SLC2A3: variants seen among roughly 807,000 people sequenced by gnomAD.
The protein encoded by SLC2A3 is solute carrier family 2 member 3, also known as solute carrier family 2, facilitated glucose transporter member 3.
Under a neutral mutation model 46.4 loss-of-function variants are expected in SLC2A3, and 21 were observed. That is an observed-to-expected ratio of 0.45 (90% CI 0.32 to 0.65). SLC2A3 has a LOEUF of 0.65. Among genes scored for constraint, SLC2A3 ranks in the 30% least tolerant of loss-of-function variants. The pLI, the probability that SLC2A3 is intolerant of heterozygous loss-of-function variation, is 0.04. For missense variants in SLC2A3, 499 were observed against 623.3 expected (o/e 0.80, Z 2.12); for synonymous variants, 213 against 239.4 (o/e 0.89, Z 1.02).
In SLC2A3 at chr12:7,933,051, T is replaced by C. The variant is rs1261190829; in HGVS notation, c.205A>G (p.Ile69Val). Residue 69 changes from isoleucine to valine, a missense_variant, in exon 3 of 10, where the codon ATA becomes GTA. By Grantham distance (29) the Ile-to-Val change is conservative. This residue lies in a region of SLC2A3 where 248 missense variants were observed against 284.0 expected (regional missense o/e 0.87). Coordinates refer to ENST00000075120, the MANE Select transcript of SLC2A3 (RefSeq NM_006931.3). ...LTSLWSLSVA[I>V]FSVGGMIGSF... ...CCGATCATACCCCCGACGGAAAATA[T>C]GGCCACAGACAAGGACCAGAGAGAC... 2 of 1,614,062 alleles carry C rather than the reference T, an allele frequency of 1.2e-6. No homozygotes were observed. Among genetic ancestry groups the C allele is most frequent in the South Asian group, 1.1e-5 (1 of 91,080 alleles).
chr12:7,935,724 C>T (rs1252274008), intron 1 of SLC2A3, among the ~76,000 whole-genome samples: 1 of 152,068 alleles, frequency 6.6e-6, no homozygotes, highest in African/African-American at 2.4e-5. Flanking sequence ...ACCAAGCAGC[C>T]CGATCCTCTA....
At chr12:7,927,137 C>T (rs1306939813) in intron 6 of SLC2A3, among the ~76,000 whole-genome samples, 2 of 152,026 alleles carry the variant, frequency 1.3e-5, no homozygotes, top group Admixed American at 1.3e-4. Context: ...AAGATGTAAA[C>T]TATGTATATT....
intron 8 of SLC2A3, among the ~76,000 whole-genome samples, chr12:7,924,101 C>G (rs1436353440): frequency 1.3e-5 from 2 of 152,110 alleles, no homozygotes; most frequent in East Asian, 1.9e-4. Context: ...TCTATATGAT[C>G]TCATATATGT....
chr12:7,925,629 T>A, intron 7 of SLC2A3: 1 of 430,244 alleles, frequency 2.3e-6, no homozygotes, highest in Non-Finnish European at 4.2e-6. Flanking sequence ...CAAAGCATAC[T>A]ATATAGTCCC....
chr12:7,926,402 C>T (rs60587863), intron 6 of SLC2A3, among the ~76,000 whole-genome samples: 3,672 of 152,176 alleles, frequency 0.024, 147 homozygotes, highest in African/African-American at 0.082. Context: ...TCCTTTCTCT[C>T]TCTAAATGTT....
Position 7,931,151 on chromosome 12 carries a change from C to T in SLC2A3, c.510+94G>A, listed in dbSNP as rs1368112329. The T allele has an allele frequency of 7.1e-6, 11 of 1,551,276 alleles. No homozygotes were observed. In the East Asian group the frequency reaches 2.3e-4, roughly 32 times the overall value. On this transcript the variant is annotated intron_variant, in intron 4 of 9. Transcript: ENST00000075120. ...TCTAAAACTTCCATATGTAATTGAACATGTGCCAGATATTCTTCAGTGCTT... is the reference window on the plus strand; with the variant it reads ...TCTAAAACTTCCATATGTAATTGAATATGTGCCAGATATTCTTCAGTGCTT...
In SLC2A3 at chr12:7,936,050, C is replaced by T. The variant is rs1297734254; in HGVS notation, c.-16G>A. Reference sequence around the variant, plus strand: ...GTGTCCCCATCGCTGTAATCTAATTCAAGTCTTCAAGAAAGATCTAGGGGT... The same window carrying T: ...GTGTCCCCATCGCTGTAATCTAATTTAAGTCTTCAAGAAAGATCTAGGGGT... On this transcript the variant is annotated 5_prime_UTR_variant, in exon 1 of 10. Transcript: ENST00000075120. 6.2e-7 allele frequency: 1 copy of T among 1,602,696 alleles called. No individual in the cohort carries two copies. The highest frequency in any genetic ancestry group is 8.5e-7 in the Non-Finnish European group (1 of 1,169,664).
chr12:7,929,783 T>C lies in SLC2A3; in HGVS notation c.762A>G (p.Gln254=). ...DESARMSQEK[Q]VTVLELFRVS... ...CTCTAAAGAGCTCTAGCACGGTGAC[T>C]TGCTTTTCTTGTGACATCCTTGCAC... is the stretch of plus-strand genomic sequence containing the variant. The change falls in exon 6 of 10, where the codon CAA becomes CAG. Residue 254 remains glutamine (Q), a synonymous_variant. Transcript: ENST00000075120. 1 of 1,613,738 alleles carries C rather than the reference T, an allele frequency of 6.2e-7. No homozygotes were observed. The highest frequency in any genetic ancestry group is 8.5e-7 in the Non-Finnish European group (1 of 1,179,736).
chr12:7,934,784 CAGG>C (rs1946196214), intron 1 of SLC2A3, among the ~76,000 whole-genome samples: 2 of 152,174 alleles, frequency 1.3e-5, no homozygotes, highest in East Asian at 1.9e-4. Context: ...GGAGCTTCAG[CAGG>C]AGAAGTGACC....
intron 9 of SLC2A3, among the ~76,000 whole-genome samples, chr12:7,922,224 C>T (rs114790435): frequency 0.043 from 6,458 of 151,884 alleles, 371 homozygotes; most frequent in East Asian, 0.23. Context: ...CCACGACACC[C>T]GGCCTAATTT....
rs751271445 is a variant in SLC2A3 at position 7,933,058 on chromosome 12, A to G, written c.198T>C (p.Ser66=). ...TACCCCCGACGGAAAATATGGCCACAGACAAGGACCAGAGAGACGTGAGCA... is the reference window on the plus strand; with the variant it reads ...TACCCCCGACGGAAAATATGGCCACGGACAAGGACCAGAGAGACGTGAGCA... ...EVLLTSLWSL[S]VAIFSVGGMI... is the part of the protein sequence containing the mutation. Residue 66 remains serine (S), a synonymous_variant, in exon 3 of 10, where the codon TCT becomes TCC. Coordinates refer to ENST00000075120, the MANE Select transcript of SLC2A3 (RefSeq NM_006931.3). 1.2e-6 allele frequency: 2 copies of G among 1,614,144 alleles called. No homozygotes were observed. Among genetic ancestry groups the G allele is most frequent in the African/African-American group, 1.3e-5 (1 of 75,028 alleles).
chr12:7,922,218 G>C lies in SLC2A3; in HGVS notation c.1273-587C>G, dbSNP rs118139619. ...CACTGGGATTACAGTCATGAGCCAC[G>C]ACACCCGGCCTAATTTTTGTATTTA... On this transcript the variant is annotated intron_variant, in intron 9 of 9. Transcript: ENST00000075120. 5.2e-3 allele frequency among the ~76,000 whole-genome samples: 786 copies of C among 151,932 alleles called. 4 individuals carry two copies. The highest frequency in any genetic ancestry group is 0.027 in the Middle Eastern group (8 of 294).
chr12:7,925,989 A>C (rs1169301609), intron 6 of SLC2A3, 41 bp from the exon 7 acceptor site: 1 of 1,493,356 alleles, frequency 6.7e-7, no homozygotes, highest in Non-Finnish European at 9.3e-7. Flanking sequence ...GCAATTCTGC[A>C]CACCAGTTAC....
chr12:7,925,609 A>G (rs1188167177), intron 7 of SLC2A3: 2 of 357,502 alleles, frequency 5.6e-6, no homozygotes, highest in Non-Finnish European at 5.2e-6. Flanking sequence ...CTTTCCTCCA[A>G]TTCCAAGTTC....
intron 7 of SLC2A3, 60 bp downstream of exon 7, chr12:7,925,784 T>C (rs1175325054): frequency 1.5e-6 from 2 of 1,321,344 alleles, no homozygotes; most frequent in South Asian, 1.2e-5. Context: ...CAATCCATCT[T>C]TGAACATCTG....
chr12:7,933,725 G>A (rs1421350928), intron 2 of SLC2A3, 85 bp downstream of exon 2: 14 of 1,429,764 alleles, frequency 9.8e-6, no homozygotes, highest in African/African-American at 1.4e-5. Context: ...CACCATGCCT[G>A]GCCTTAAATT....
At chr12:7,926,861 A>G (rs768972271) in intron 6 of SLC2A3, among the ~76,000 whole-genome samples, 1 of 152,088 alleles carries the variant, frequency 6.6e-6, no homozygotes, top group Non-Finnish European at 1.5e-5. Context: ...AATTTAATAT[A>G]TATTAAATAA....
rs767581117 is a variant in SLC2A3, at chr12:7,921,446, G to C, written c.1458C>G (p.Ile486Met). The change falls in exon 10 of 10, where the codon ATC becomes ATG. Residue 486 changes from isoleucine to methionine, a missense_variant. By Grantham distance (10) the Ile-to-Met change is conservative. Transcript: ENST00000075120. The stretch of plus-strand genomic sequence containing the variant: ...TGGTGGTGGTCTCCTTAGCAGGCTC[G>C]ATGCTGTTCATCTCCATGACGCCGT... ...GKDGVMEMNS[I>M]EPAKETTTNV 49 of 1,613,988 alleles carry C rather than the reference G, an allele frequency of 3.0e-5. No individual in the cohort carries two copies. Among genetic ancestry groups the C allele is most frequent in the Non-Finnish European group, 3.6e-5 (43 of 1,179,912 alleles).
At chr12:7,921,665 T>C (rs763889223) in intron 9 of SLC2A3, 34 bp from the exon 10 acceptor site, 16 of 1,592,988 alleles carry the variant, frequency 1.0e-5, no homozygotes, top group African/African-American at 1.4e-5. Context: ...AAGGTTGATA[T>C]AAAAATCTGG....
Sources: gnomAD v4.1 joint callset for allele counts (sites outside exome capture counted in the v4.1 genomes callset) on GRCh38, gnomAD v4.1.1 for gene constraint, gnomAD v4.1.1 regional missense constraint, MANE v1.5 for transcripts, NCBI Gene and HGNC (gene_info 2026-07-23, HGNC 2026-07-21) for gene names.